Variants in MAD1L1 observed in about 807,000 individuals in gnomAD.
MAD1L1 encodes mitotic spindle assembly checkpoint protein MAD1.
MAD1L1 carries 95 observed loss-of-function variants against 96.9 expected under a neutral mutation model. That is an observed-to-expected ratio of 0.98 (90% CI 0.83 to 1.16). The LOEUF is 1.16. Among genes scored for constraint, MAD1L1 ranks in the 50% most tolerant of loss-of-function variants. MAD1L1 has a pLI of 0.00. For synonymous variants in MAD1L1, 473 were observed against 396.6 expected (o/e 1.19, Z -2.29); for missense variants, 1,007 against 954.4 (o/e 1.06, Z -0.73).
chr7:2,109,254 T>G (rs1197498307), intron 11 of MAD1L1, among the ~76,000 whole-genome samples: 4 of 152,176 alleles, frequency 2.6e-5, no homozygotes, highest in African/African-American at 9.7e-5. Context: ...GGCCTCGGCT[T>G]CTTCTTCAGG....
chr7:1,862,568 A>G (rs1784583778), intron 18 of MAD1L1, among the ~76,000 whole-genome samples: 1 of 152,248 alleles, frequency 6.6e-6, no homozygotes, highest in Non-Finnish European at 1.5e-5. Context: ...TCCTCTGTAC[A>G]ATAAAGTTCA....
chr7:2,129,707 G>A (rs923085354), intron 11 of MAD1L1, among the ~76,000 whole-genome samples: 1 of 152,204 alleles, frequency 6.6e-6, no homozygotes, highest in African/African-American at 2.4e-5. Context: ...TCTGCCCAGA[G>A]ATCAGAAAAA....
intron 11 of MAD1L1, among the ~76,000 whole-genome samples, chr7:2,126,651 G>A (rs539108710): frequency 6.6e-6 from 1 of 152,240 alleles, no homozygotes; most frequent in Admixed American, 6.5e-5. Context: ...AGTGTGAGGA[G>A]GCCCAGGAGC....
At chr7:2,193,082 C>T (rs767726737) in intron 10 of MAD1L1, among the ~76,000 whole-genome samples, 19 of 152,160 alleles carry the variant, frequency 1.2e-4, no homozygotes, top group Admixed American at 4.6e-4. Flanking sequence ...CAAATAGACC[C>T]GGAGCTCAGC....
chr7:1,869,506 GC>G (rs139273200), intron 18 of MAD1L1, among the ~76,000 whole-genome samples: 4,672 of 152,210 alleles, frequency 0.031, 153 homozygotes, highest in Admixed American at 0.077. Context: ...CCTCCCCAGG[GC>G]CCTCTTCCCA....
intron 17 of MAD1L1, among the ~76,000 whole-genome samples, chr7:1,920,794 T>A (rs140964822): frequency 2.0e-5 from 3 of 152,352 alleles, no homozygotes; most frequent in Non-Finnish European, 4.4e-5. Flanking sequence ...ATTCTGGGCA[T>A]GCAAGACAAC....
intron 9 of MAD1L1, among the ~76,000 whole-genome samples, chr7:2,215,243 T>C (rs1446209609): frequency 6.6e-6 from 1 of 151,972 alleles, no homozygotes; most frequent in Non-Finnish European, 1.5e-5. Context: ...CCGGGTGTGG[T>C]GGCGCACGCC....
intron 17 of MAD1L1, among the ~76,000 whole-genome samples, chr7:1,915,704 C>T (rs1788341959): frequency 6.6e-6 from 1 of 152,232 alleles, no homozygotes; most frequent in African/African-American, 2.4e-5. Flanking sequence ...GAAAGCAACT[C>T]CACGGGGAAA....
intron 10 of MAD1L1, chr7:2,200,376 G>C (rs1366655600): frequency 6.6e-6 from 1 of 152,452 alleles, no homozygotes; most frequent in African/African-American, 2.4e-5. Flanking sequence ...CAGGCACCAG[G>C]CCTGCACACA....
chr7:2,184,002 G>A (rs1791335235), intron 10 of MAD1L1, among the ~76,000 whole-genome samples: 1 of 152,108 alleles, frequency 6.6e-6, no homozygotes, highest in Non-Finnish European at 1.5e-5. Flanking sequence ...TGTAATCCTG[G>A]CACTTTGGGA....
Position 2,138,071 on chromosome 7 carries a change from G to T in MAD1L1, c.1073+11081C>A, listed in dbSNP as rs564735169. 1.5e-3 allele frequency among the ~76,000 whole-genome samples: 226 copies of T among 152,358 alleles called. 2 individuals carry two copies. The highest frequency in any genetic ancestry group is 5.3e-3 in the African/African-American group (220 of 41,588). On this transcript the variant is annotated intron_variant, in intron 11 of 18. Transcript: ENST00000265854. ...TCAGAGCACAGAGCTGTGAGTCCCA[G>T]GCCCTTCACCAGGGCTGCACCCACG... is the stretch of plus-strand genomic sequence containing the variant.
At chr7:1,999,584 GC>G (rs1424495607) in intron 14 of MAD1L1, among the ~76,000 whole-genome samples, 2 of 152,160 alleles carry the variant, frequency 1.3e-5, no homozygotes, top group Non-Finnish European at 2.9e-5. Context: ...TGCGCCTCAT[GC>G]CCACTTCAGG....
chr7:2,083,240 C>A (rs1785742142), intron 11 of MAD1L1, among the ~76,000 whole-genome samples: 1 of 152,250 alleles, frequency 6.6e-6, no homozygotes, highest in African/African-American at 2.4e-5. Flanking sequence ...GAGAGGAAGG[C>A]ACCCATTCGC....
intron 16 of MAD1L1, among the ~76,000 whole-genome samples, chr7:1,951,306 G>C (rs571042868): frequency 6.6e-6 from 1 of 152,270 alleles, no homozygotes; most frequent in Admixed American, 6.5e-5. Flanking sequence ...GAGGAAGGCA[G>C]GAGTGACCGA....
intron 18 of MAD1L1, among the ~76,000 whole-genome samples, chr7:1,835,510 A>AAT (rs1174564280): frequency 2.6e-5 from 4 of 152,260 alleles, no homozygotes; most frequent in Admixed American, 2.6e-4. Flanking sequence ...GTTTTTATAT[A>AAT]GTAGCAACAG....
chr7:2,185,386 A>G (rs528726769), intron 10 of MAD1L1, among the ~76,000 whole-genome samples: 28 of 152,308 alleles, frequency 1.8e-4, no homozygotes, highest in African/African-American at 6.7e-4. Flanking sequence ...GAACTTCCAG[A>G]GGTAATGGAA....
chr7:1,945,571 C>T (rs969099096), intron 16 of MAD1L1, among the ~76,000 whole-genome samples: 4 of 152,218 alleles, frequency 2.6e-5, no homozygotes, highest in African/African-American at 7.2e-5. Flanking sequence ...GCTGCTGCTG[C>T]TGGGCCCACC....
chr7:1,950,970 G>C (rs936340757), intron 16 of MAD1L1, among the ~76,000 whole-genome samples: 1 of 152,262 alleles, frequency 6.6e-6, no homozygotes, highest in Non-Finnish European at 1.5e-5. Context: ...CCCTGGGCAC[G>C]AAGCCCATGC....
At chr7:1,939,326 T>TAC (rs569016510) in intron 16 of MAD1L1, among the ~76,000 whole-genome samples, 21 of 93,518 alleles carry the variant, frequency 2.2e-4, no homozygotes, top group South Asian at 3.9e-4. Flanking sequence ...CACACACACA[T>TAC]ACACACACAC....
Sources: gnomAD v4.1 joint callset for allele counts (sites outside exome capture counted in the v4.1 genomes callset) on GRCh38, gnomAD v4.1.1 for gene constraint, MANE v1.5 for transcripts, NCBI Gene and HGNC (gene_info 2026-07-23, HGNC 2026-07-21) for gene names.